The following ERBB4 variants were observed in gnomAD, a reference collection of about 807,000 sequenced individuals.
The protein encoded by ERBB4 is receptor tyrosine-protein kinase erbB-4.
In ERBB4, 42 loss-of-function variants were observed where a neutral mutation model predicts 158.0. The observed-to-expected ratio is 0.27, with a 90% CI of 0.21 to 0.34. The LOEUF is 0.34. Ranked by LOEUF, ERBB4 falls within the 10% of genes least tolerant of loss-of-function variation. ERBB4 has a pLI of 1.00. For missense variants in ERBB4, 1,333 were observed against 1,624.1 expected, an observed-to-expected ratio of 0.82 and a Z score of 3.08; for synonymous variants, 583 against 558.7, an observed-to-expected ratio of 1.04 and a Z score of -0.61.
chr2:212,277,470 C>G (rs1051760388), intron 1 of ERBB4, among the ~76,000 whole-genome samples: 1 of 151,704 alleles, frequency 6.6e-6, no homozygotes, highest in Non-Finnish European at 1.5e-5. Context: ...GGAGCACTGT[C>G]TCATTTTATT....
chr2:212,206,014 A>G (rs1368116065), intron 1 of ERBB4, among the ~76,000 whole-genome samples: 2 of 152,158 alleles, frequency 1.3e-5, no homozygotes, highest in African/African-American at 4.8e-5. Context: ...TACCTATGAT[A>G]ATTTTATTTA....
intron 1 of ERBB4, among the ~76,000 whole-genome samples, chr2:212,305,638 G>A (rs2086784318): frequency 6.6e-6 from 1 of 151,166 alleles, no homozygotes; most frequent in South Asian, 2.1e-4. Context: ...GGTAGAAACT[G>A]GAATGTAAAA....
At chr2:211,721,117 T>C (rs1240405637) in intron 7 of ERBB4, among the ~76,000 whole-genome samples, 1 of 152,168 alleles carries the variant, frequency 6.6e-6, no homozygotes, top group East Asian at 1.9e-4. Flanking sequence ...ATGTGTGTGG[T>C]TTCTTTCCCT....
chr2:211,570,659 C>T (rs1409483701), intron 19 of ERBB4, among the ~76,000 whole-genome samples: 1 of 152,166 alleles, frequency 6.6e-6, no homozygotes, highest in Admixed American at 6.5e-5. Context: ...CTTCACTGTG[C>T]TTACCACCTT....
At position 211,376,786 on chromosome 2, in the gene ERBB4, T is replaced by G. The variant is rs1280332175; in HGVS notation, c.*6829A>C. Reference sequence around the variant, plus strand: ...ATCTCATTTTCATTTGATCTTCTTGTAATGGTGCTCAAGAAAGAGATGAAC... The same window carrying G: ...ATCTCATTTTCATTTGATCTTCTTGGAATGGTGCTCAAGAAAGAGATGAAC... On this transcript the variant is annotated 3_prime_UTR_variant, in exon 28 of 28. Transcript: ENST00000342788. 1 of 233,034 alleles carries G rather than the reference T, an allele frequency of 4.3e-6. No individual in the cohort carries two copies. Among genetic ancestry groups the G allele is most frequent in the Non-Finnish European group, 8.5e-6 (1 of 117,706 alleles). The allele number at this position is 233,034 out of a possible 1,614,324, so 14.4% of individuals were successfully genotyped here.
chr2:212,333,380 T>TAC (rs1574705572), intron 1 of ERBB4, among the ~76,000 whole-genome samples: 1 of 151,158 alleles, frequency 6.6e-6, no homozygotes, highest in African/African-American at 2.4e-5. Context: ...TAGCTTTAAA[T>TAC]ATATATATAT....
chr2:211,954,751 C>T (rs1407375975), intron 2 of ERBB4, among the ~76,000 whole-genome samples: 1 of 152,020 alleles, frequency 6.6e-6, no homozygotes, highest in Admixed American at 6.6e-5. Flanking sequence ...TGTAGCCTCT[C>T]CATCAGTAAA....
intron 3 of ERBB4, among the ~76,000 whole-genome samples, chr2:211,910,040 C>T (rs1468509728): frequency 1.3e-5 from 2 of 151,468 alleles, no homozygotes; most frequent in Admixed American, 6.6e-5. Context: ...CTGCCTCAGC[C>T]TCCCAAGTAG....
intron 20 of ERBB4, among the ~76,000 whole-genome samples, chr2:211,513,357 C>CAAAAAAAAAAAAAAAAAAAAAAAAA (rs61042785): frequency 2.6e-5 from 1 of 39,204 alleles, no homozygotes; most frequent in African/African-American, 6.6e-5. Flanking sequence ...GACTCCGTCT[C>CAAAAAAAAAAAAAAAAAAAAAAAAA]AAAAAAAAAA....
In ERBB4 at chr2:212,191,983, TTA is replaced by T. The variant is rs751176243; in HGVS notation, c.83-67082_83-67081del. ...TTATATATGTTATATGTTATATATG[TTA>T]TATGTTATATATGTTATATATAATA... On this transcript the variant is annotated intron_variant, in intron 1 of 27. Coordinates refer to ENST00000342788, the MANE Select transcript of ERBB4 (RefSeq NM_005235.3). Among the ~76,000 whole-genome samples the T allele has an allele frequency of 3.8e-3, 431 of 114,608 alleles. 1 individual carries two copies. Among genetic ancestry groups the T allele is most frequent in the Non-Finnish European group, 6.1e-3 (324 of 53,540 alleles). The allele number at this position is 114,608 out of a possible 152,430, so 75.2% of individuals were successfully genotyped here.
chr2:211,649,842 T>C (rs2070918069), intron 16 of ERBB4, among the ~76,000 whole-genome samples: 2 of 151,922 alleles, frequency 1.3e-5, no homozygotes, highest in African/African-American at 4.8e-5. Flanking sequence ...ACAATGAAAT[T>C]ACACCTCTTT....
At chr2:211,758,559 T>C (rs1182423134) in intron 4 of ERBB4, among the ~76,000 whole-genome samples, 1 of 152,158 alleles carries the variant, frequency 6.6e-6, no homozygotes, top group African/African-American at 2.4e-5. Flanking sequence ...TTAGTTCCAA[T>C]CAATGTCAAA....
intron 20 of ERBB4, among the ~76,000 whole-genome samples, chr2:211,449,256 T>G (rs1485081238): frequency 6.6e-6 from 1 of 152,166 alleles, no homozygotes; most frequent in Non-Finnish European, 1.5e-5. Context: ...CGTGTAATAT[T>G]AGTAGCAGAA....
intron 3 of ERBB4, among the ~76,000 whole-genome samples, chr2:211,900,127 C>G (rs1410685991): frequency 1.3e-5 from 2 of 151,712 alleles, no homozygotes; most frequent in Admixed American, 6.6e-5. Context: ...GGCAGTATGC[C>G]AAATATAAAT....
At chr2:212,321,530 A>G (rs907195664) in intron 1 of ERBB4, among the ~76,000 whole-genome samples, 24 of 150,500 alleles carry the variant, frequency 1.6e-4, no homozygotes, top group African/African-American at 5.3e-4. Flanking sequence ...CTGTATTAAA[A>G]ATACAACAAA....
At chr2:211,543,132 C>A (rs17334842) in intron 20 of ERBB4, among the ~76,000 whole-genome samples, 27,307 of 151,754 alleles carry the variant, frequency 0.18, 2,920 homozygotes, top group Non-Finnish European at 0.23. Flanking sequence ...TGATAAAATT[C>A]TTGATTCTAG....
chr2:211,420,522 A>T lies in ERBB4; in HGVS notation c.3054T>A (p.Asp1018Glu). Residue 1018 changes from aspartate (D) to glutamate (E), a missense_variant, in exon 25 of 28, where the codon GAT becomes GAA. Around this residue, in one of 5 missense-constraint regions of ERBB4, gnomAD observed 314 missense variants for 437.6 expected, o/e 0.72. Coordinates refer to ENST00000342788, the MANE Select transcript of ERBB4 (RefSeq NM_005235.3). ...CCTGAGGGACCAAGTACTCCTCAGCATCCATCATATCTTCCAAATCCTCTT... is the reference window on the plus strand; with the variant it reads ...CCTGAGGGACCAAGTACTCCTCAGCTTCCATCATATCTTCCAAATCCTCTT... ...LDEEDLEDMM[D>E]AEEYLVPQAF... 6.2e-7 allele frequency: 1 copy of T among 1,612,094 alleles called. No homozygotes were observed. The highest frequency in any genetic ancestry group is 8.5e-7 in the Non-Finnish European group (1 of 1,178,414).
In ERBB4 at chr2:212,045,673, A is replaced by G. The variant is rs1246286460; in HGVS notation, c.234+79079T>C. On this transcript the variant is annotated intron_variant, in intron 2 of 27. Coordinates refer to ENST00000342788, the MANE Select transcript of ERBB4 (RefSeq NM_005235.3). Reference sequence around the variant, plus strand: ...TGAACAGTACCAACATGAAACGTCAATAAGACTTAAGGCTGATAGATGAAC... The same window carrying G: ...TGAACAGTACCAACATGAAACGTCAGTAAGACTTAAGGCTGATAGATGAAC... Among the ~76,000 whole-genome samples the G allele has an allele frequency of 2.0e-5, 3 of 152,202 alleles. 1 individual carries two copies. In the South Asian group the frequency reaches 6.2e-4, roughly 31 times the overall value.
In ERBB4 at chr2:211,407,530, C is replaced by T. The variant is rs549926512; in HGVS notation, c.3135+12911G>A. Reference sequence around the variant, plus strand: ...CTAAATTGGTTGTAGATTAAACTTCCAATTTCTTTCCCTTTTTGATTTACT... The same window carrying T: ...CTAAATTGGTTGTAGATTAAACTTCTAATTTCTTTCCCTTTTTGATTTACT... On this transcript the variant is annotated intron_variant, in intron 25 of 27. Coordinates refer to ENST00000342788, the MANE Select transcript of ERBB4 (RefSeq NM_005235.3). Among the ~76,000 whole-genome samples the T allele has an allele frequency of 2.0e-5, 3 of 152,080 alleles. No homozygotes were observed. The South Asian group carries it at 6.2e-4, about 31-fold the overall frequency.
Sources: allele counts gnomAD v4.1 joint callset (sites outside exome capture counted in the v4.1 genomes callset), GRCh38; gene constraint gnomAD v4.1.1; regional missense constraint gnomAD v4.1.1; transcripts MANE v1.5; gene names NCBI Gene and HGNC (gene_info 2026-07-23, HGNC 2026-07-21).